The following LGR4 variants were observed in gnomAD, a reference collection of about 807,000 sequenced individuals.
LGR4 encodes the protein leucine rich repeat containing G protein-coupled receptor 4.
LGR4 carries 44 observed loss-of-function variants against 84.8 expected under a neutral mutation model. The observed-to-expected ratio is 0.52, with a 90% CI of 0.41 to 0.67. LGR4 has a LOEUF of 0.67. LGR4 is among the 30% of genes least tolerant of loss of function. The probability of loss-of-function intolerance (pLI) is 0.00; values close to 1 mark genes in which losing one functional copy is unlikely to be tolerated. For synonymous variants in LGR4, 429 were observed against 434.3 expected, an observed-to-expected ratio of 0.99 and a Z score of 0.15; for missense variants, 1,032 against 1,131.4, an observed-to-expected ratio of 0.91 and a Z score of 1.26.
chr11:27,373,884 G>C, intron 14 of LGR4, 91 bp downstream of exon 14: 1 of 1,120,228 alleles, frequency 8.9e-7, no homozygotes, highest in Non-Finnish European at 1.3e-6. Context: ...TAACTAAACA[G>C]AAAAATATTT....
intron 13 of LGR4, among the ~76,000 whole-genome samples, chr11:27,375,484 GC>G (rs1413999435): frequency 6.6e-6 from 1 of 152,042 alleles, no homozygotes; most frequent in Non-Finnish European, 1.5e-5. Flanking sequence ...TTAAGTAAGT[GC>G]TTCTGTGGCT....
intron 1 of LGR4, among the ~76,000 whole-genome samples, chr11:27,467,234 C>G (rs1267868289): frequency 6.6e-6 from 1 of 152,028 alleles, no homozygotes; most frequent in Non-Finnish European, 1.5e-5. Context: ...GACACCTATA[C>G]TTCATTTAAC....
chr11:27,372,259 A>G, intron 16 of LGR4, 24 bp downstream of exon 16: 2 of 1,332,202 alleles, frequency 1.5e-6, no homozygotes, highest in Non-Finnish European at 1.1e-6. Context: ...GGAGTGTTCT[A>G]TTTTTTGAAA....
At chr11:27,389,979 T>C (rs887253618) in intron 4 of LGR4, among the ~76,000 whole-genome samples, 1 of 152,188 alleles carries the variant, frequency 6.6e-6, no homozygotes, top group African/African-American at 2.4e-5. Context: ...TCATTTCAAC[T>C]AAGAATTGAA....
chr11:27,377,390 C>T (rs911872816), intron 11 of LGR4, among the ~76,000 whole-genome samples, 167 bp from the exon 12 acceptor site: 8 of 151,862 alleles, frequency 5.3e-5, no homozygotes, highest in Non-Finnish European at 1.2e-4. Flanking sequence ...TCTCAAATAC[C>T]TCAGTGATAC....
At chr11:27,419,030 G>A (rs1234030612) in intron 1 of LGR4, among the ~76,000 whole-genome samples, 1 of 151,832 alleles carries the variant, frequency 6.6e-6, no homozygotes, top group Non-Finnish European at 1.5e-5. Flanking sequence ...TAGAGACCAG[G>A]TTTCACTGTG....
chr11:27,424,754 T>C (rs1370293849), intron 1 of LGR4, among the ~76,000 whole-genome samples: 3 of 152,072 alleles, frequency 2.0e-5, no homozygotes, highest in South Asian at 2.1e-4. Flanking sequence ...TTTTGTCTGT[T>C]TGTTTGTTTT....
chr11:27,374,737 C>T (rs924338672), intron 13 of LGR4, among the ~76,000 whole-genome samples: 3 of 152,138 alleles, frequency 2.0e-5, no homozygotes, highest in Non-Finnish European at 2.9e-5. Flanking sequence ...TTCCAAATCA[C>T]GAAAAGACCA....
chr11:27,399,973 T>A (rs1208128045), intron 2 of LGR4, among the ~76,000 whole-genome samples: 2 of 152,200 alleles, frequency 1.3e-5, no homozygotes, highest in African/African-American at 4.8e-5. Context: ...TAGGGGCATT[T>A]GGTATCAATA....
At chr11:27,400,980 C>G (rs561205745) in intron 2 of LGR4, among the ~76,000 whole-genome samples, 1 of 152,320 alleles carries the variant, frequency 6.6e-6, no homozygotes, top group African/African-American at 2.4e-5. Flanking sequence ...TAATGATGTA[C>G]TACCCCATTT....
chr11:27,407,541 A>T (rs1863634881), intron 2 of LGR4, among the ~76,000 whole-genome samples: 1 of 152,174 alleles, frequency 6.6e-6, no homozygotes, highest in African/African-American at 2.4e-5. Context: ...TATTTTTAGC[A>T]CATAATTAAG....
intron 7 of LGR4, 28 bp downstream of exon 7, chr11:27,382,160 G>A: frequency 6.9e-7 from 1 of 1,443,440 alleles, no homozygotes; most frequent in Non-Finnish European, 9.7e-7. Context: ...GGGATATGAA[G>A]ACATAAAGAG....
intron 1 of LGR4, among the ~76,000 whole-genome samples, chr11:27,440,783 T>C (rs1390297299): frequency 6.6e-6 from 1 of 152,166 alleles, no homozygotes; most frequent in African/African-American, 2.4e-5. Flanking sequence ...TCTCAAATTG[T>C]GCTCTCAGAA....
intron 1 of LGR4, among the ~76,000 whole-genome samples, chr11:27,429,388 G>A: frequency 6.6e-6 from 1 of 151,978 alleles, no homozygotes; most frequent in East Asian, 1.9e-4. Flanking sequence ...AAGAGGCTGA[G>A]GCAGCAGAAT....
At position 27,472,331 on chromosome 11, in the gene LGR4, TC is replaced by T; in HGVS notation, c.-30del. 8.4e-7 allele frequency: 1 copy of T among 1,194,348 alleles called. No individual in the cohort carries two copies. Among genetic ancestry groups the T allele is most frequent in the East Asian group, 3.5e-5 (1 of 28,220 alleles). The allele number at this position is 1,194,348 out of a possible 1,614,324, so 74.0% of individuals were successfully genotyped here. On this transcript the variant is annotated 5_prime_UTR_variant, in exon 1 of 18. Coordinates refer to ENST00000379214, the MANE Select transcript of LGR4 (RefSeq NM_018490.5). The stretch of plus-strand genomic sequence containing the variant: ...TGCGGCCGCCTCCCGCGCCGGCCTC[TC>T]CCGCGGCGCTGCTCGCTCCGCTGCC...
intron 1 of LGR4, among the ~76,000 whole-genome samples, chr11:27,464,073 C>T (rs1463294191): frequency 1.3e-5 from 2 of 152,226 alleles, no homozygotes; most frequent in African/African-American, 4.8e-5. Context: ...TCTGCTTTCT[C>T]TTCCCTACTA....
chr11:27,426,527 C>T (rs1258874500), intron 1 of LGR4, among the ~76,000 whole-genome samples: 2 of 152,150 alleles, frequency 1.3e-5, no homozygotes, highest in Admixed American at 1.3e-4. Context: ...CTGTATAACT[C>T]TTACTAGTTG....
intron 10 of LGR4, 108 bp downstream of exon 10, chr11:27,380,163 C>T (rs762008298): frequency 2.3e-5 from 15 of 639,952 alleles, no homozygotes; most frequent in South Asian, 4.9e-5. Context: ...AAAGGGAAAC[C>T]GGAGGAATCA....
At chr11:27,401,618 C>G (rs1863506230) in intron 2 of LGR4, among the ~76,000 whole-genome samples, 2 of 152,156 alleles carry the variant, frequency 1.3e-5, no homozygotes, top group Non-Finnish European at 1.5e-5. Context: ...TGAGTTTTCC[C>G]AGGACATTTC....
Sources: gnomAD v4.1 joint callset for allele counts (sites outside exome capture counted in the v4.1 genomes callset) on GRCh38, gnomAD v4.1.1 for gene constraint, MANE v1.5 for transcripts, NCBI Gene and HGNC (gene_info 2026-07-23, HGNC 2026-07-21) for gene names.